The following FBXO4 variants were observed in gnomAD, a reference collection of about 807,000 sequenced individuals.
FBXO4 encodes F-box protein 4.
In FBXO4, 36 loss-of-function variants were observed where a neutral mutation model predicts 43.7. The observed-to-expected ratio is 0.82, with a 90% CI of 0.63 to 1.09. The LOEUF is 1.09. FBXO4 is among the 50% of genes least tolerant of loss of function. The pLI is 0.00. For synonymous variants in FBXO4, 180 were observed against 165.6 expected (o/e 1.09, Z -0.67); for missense variants, 435 against 474.1 (o/e 0.92, Z 0.77).
chr5:41,970,279 A>G, the FBXO4 span, among the ~76,000 whole-genome samples: 2 of 152,068 alleles, frequency 1.3e-5, no homozygotes, highest in African/African-American at 4.8e-5. Context: ...TAGATTGTAT[A>G]TATCTTTACC....
chr5:41,981,832 T>C, the FBXO4 span, among the ~76,000 whole-genome samples: 1 of 151,820 alleles, frequency 6.6e-6, no homozygotes, highest in East Asian at 1.9e-4. Flanking sequence ...ATGTGCCATG[T>C]TGGTGTGCTG....
chr5:41,940,026 T>G (rs919148567), intron 6 of FBXO4, among the ~76,000 whole-genome samples: 3 of 151,398 alleles, frequency 2.0e-5, no homozygotes, highest in African/African-American at 7.3e-5. Context: ...ATTTTTTGTA[T>G]TTTTTGTAGA....
the FBXO4 span, among the ~76,000 whole-genome samples, chr5:41,960,536 C>T: frequency 6.6e-6 from 1 of 151,974 alleles, no homozygotes. Flanking sequence ...CTATATATCT[C>T]ATTTGTTGGG....
At chr5:41,975,117 G>A in the FBXO4 span, among the ~76,000 whole-genome samples, 1 of 152,158 alleles carries the variant, frequency 6.6e-6, no homozygotes, top group African/African-American at 2.4e-5. Context: ...GAAAAGGTGA[G>A]AACTTTACTT....
At chr5:42,018,602 CA>C in the FBXO4 span, among the ~76,000 whole-genome samples, 33 of 151,900 alleles carry the variant, frequency 2.2e-4, no homozygotes, top group Admixed American at 2.2e-3. Context: ...AGAAATTTAC[CA>C]AGCAAAAGTA....
chr5:41,952,960 A>G, the FBXO4 span, among the ~76,000 whole-genome samples: 3 of 149,366 alleles, frequency 2.0e-5, no homozygotes, highest in South Asian at 4.3e-4. Context: ...TTCTTTTTTT[A>G]TGTCATTTTT....
At chr5:42,032,068 TG>T in the FBXO4 span, among the ~76,000 whole-genome samples, 1 of 137,030 alleles carries the variant, frequency 7.3e-6, no homozygotes, top group East Asian at 2.4e-4. Flanking sequence ...TGTGTGTGTG[TG>T]TGTGTGTGTG....
chr5:41,945,225 G>A (rs1465727780), downstream of FBXO4, among the ~76,000 whole-genome samples: 2 of 152,156 alleles, frequency 1.3e-5, no homozygotes, highest in African/African-American at 2.4e-5. Context: ...TACTATGTGA[G>A]CTTTATGAAA....
the FBXO4 span, among the ~76,000 whole-genome samples, chr5:42,032,345 G>C: frequency 0.016 from 2,436 of 152,144 alleles, 121 homozygotes; most frequent in East Asian, 0.1. Flanking sequence ...GTCTTGGGTG[G>C]GTCCAGAGAT....
downstream of FBXO4, chr5:41,941,885 TC>T: frequency 6.6e-6 from 1 of 152,346 alleles, no homozygotes; most frequent in African/African-American, 2.4e-5. Flanking sequence ...TCAGATAACT[TC>T]GCAAGCTCAT....
At chr5:41,994,510 TC>T in the FBXO4 span, among the ~76,000 whole-genome samples, 741 of 152,268 alleles carry the variant, frequency 4.9e-3, 7 homozygotes, top group African/African-American at 0.017. Flanking sequence ...ACCCCAACCT[TC>T]ATTCCTGAAG....
chr5:41,938,771 C>A (rs1751918697), intron 5 of FBXO4, among the ~76,000 whole-genome samples: 1 of 152,192 alleles, frequency 6.6e-6, no homozygotes, highest in Non-Finnish European at 1.5e-5. Context: ...TGTTGTAGGA[C>A]TGACCTTCCT....
At chr5:42,027,650 T>G in the FBXO4 span, among the ~76,000 whole-genome samples, 1 of 151,874 alleles carries the variant, frequency 6.6e-6, no homozygotes, top group African/African-American at 2.4e-5. Flanking sequence ...TATTTGAAGT[T>G]TTTCCTGTTT....
At chr5:41,998,965 C>T in the FBXO4 span, among the ~76,000 whole-genome samples, 1 of 152,034 alleles carries the variant, frequency 6.6e-6, no homozygotes, top group African/African-American at 2.4e-5. Flanking sequence ...TCACTTTCTC[C>T]ACTGAACTTA....
the FBXO4 span, among the ~76,000 whole-genome samples, chr5:42,007,028 A>T: frequency 4.0e-5 from 6 of 149,874 alleles, no homozygotes; most frequent in Non-Finnish European, 8.9e-5. Context: ...AATACTTATT[A>T]TGTGTTGAAC....
downstream of FBXO4, among the ~76,000 whole-genome samples, chr5:41,944,022 T>G (rs1752041809): frequency 6.6e-6 from 1 of 152,216 alleles, no homozygotes; most frequent in South Asian, 2.1e-4. Flanking sequence ...ACTTTCATCT[T>G]AAACTTCTAG....
At chr5:41,987,216 C>T in the FBXO4 span, among the ~76,000 whole-genome samples, 1 of 152,064 alleles carries the variant, frequency 6.6e-6, no homozygotes, top group African/African-American at 2.4e-5. Flanking sequence ...ATTTAGAAAG[C>T]TTTATCTTAA....
At chr5:42,017,481 A>T in the FBXO4 span, among the ~76,000 whole-genome samples, 1 of 150,326 alleles carries the variant, frequency 6.7e-6, no homozygotes, top group Non-Finnish European at 1.5e-5. Flanking sequence ...GTACATGTGC[A>T]GGTTTGTTAC....
At chr5:42,001,608 T>G in the FBXO4 span, among the ~76,000 whole-genome samples, 2 of 152,234 alleles carry the variant, frequency 1.3e-5, no homozygotes, top group Non-Finnish European at 2.9e-5. Context: ...TTCACCTCTT[T>G]GGTTAAGTTT....
Sources: allele counts gnomAD v4.1 joint callset (sites outside exome capture counted in the v4.1 genomes callset), GRCh38; gene constraint gnomAD v4.1.1; transcripts MANE v1.5; gene names NCBI Gene and HGNC (gene_info 2026-07-23, HGNC 2026-07-21).